Variants in EXD1 observed in about 807,000 individuals in gnomAD.
The protein encoded by EXD1 is exonuclease 3'-5' domain containing 1, also known as piRNA biogenesis protein EXD1.
In EXD1, 63 loss-of-function variants were observed where a neutral mutation model predicts 49.1. The observed-to-expected ratio is 1.28, with a 90% CI of 1.05 to 1.58. The LOEUF is 1.58. EXD1 is among the 40% of genes most tolerant of loss of function. The pLI, the probability that EXD1 is intolerant of heterozygous loss-of-function variation, is 0.00. For missense variants in EXD1, 748 were observed against 666.0 expected, an observed-to-expected ratio of 1.12 and a Z score of -1.36; for synonymous variants, 234 against 239.2, an observed-to-expected ratio of 0.98 and a Z score of 0.20.
Position 41,184,586 on chromosome 15 carries a change from C to A in EXD1, c.1064G>T (p.Cys355Phe), listed in dbSNP as rs2046376860. 2 of 1,580,164 alleles carry A rather than the reference C, an allele frequency of 1.3e-6. No individual in the cohort carries two copies. Among genetic ancestry groups the A allele is most frequent in the South Asian group, 1.2e-5 (1 of 85,048 alleles). Residue 355 changes from cysteine (C) to phenylalanine (F), a missense_variant, in exon 12 of 12, where the codon TGT becomes TTT. By Grantham distance (205) the Cys-to-Phe change is radical. Transcript: ENST00000458580. ...ADRLGGTEPT[C>F]MELPEELLQL... ...AAGCAGTTCCTCTGGCAGCTCCATA[C>A]ATGTAGGCTAAGAAGAGAAAGCGAA...
intron 11 of EXD1, among the ~76,000 whole-genome samples, chr15:41,187,489 C>A (rs1270995509): frequency 6.6e-6 from 1 of 152,150 alleles, no homozygotes; most frequent in Non-Finnish European, 1.5e-5. Flanking sequence ...CAATCCCCCA[C>A]AGATGCTGAG....
chr15:41,216,733 G>A lies in EXD1; in HGVS notation c.323C>T (p.Pro108Leu). 1.9e-6 allele frequency: 3 copies of A among 1,613,852 alleles called. No individual in the cohort carries two copies. In the South Asian group the frequency reaches 3.3e-5, roughly 18 times the overall value. Residue 108 changes from proline (P) to leucine (L), a missense_variant, in exon 5 of 12, where the codon CCT becomes CTT. By Grantham distance (98) the Pro-to-Leu change is moderately conservative. Coordinates refer to ENST00000458580, the MANE Select transcript of EXD1 (RefSeq NM_001286441.2). ...TGGTGCTTCAGGGGCAGGAGAAGCAGGCTCACATACATTTAGGTCTTCAAC... is the reference window on the plus strand; with the variant it reads ...TGGTGCTTCAGGGGCAGGAGAAGCAAGCTCACATACATTTAGGTCTTCAAC... ...MKVEDLNVCE[P>L]ASPAPEAPAT...
chr15:41,226,337 T>C, intron 2 of EXD1, 106 bp downstream of exon 2: 1 of 1,071,776 alleles, frequency 9.3e-7, no homozygotes, highest in South Asian at 1.5e-5. Flanking sequence ...TCCCACACTT[T>C]ACCTAAAATA....
At chr15:41,214,999 C>T (rs991294896) in intron 6 of EXD1, among the ~76,000 whole-genome samples, 3 of 152,146 alleles carry the variant, frequency 2.0e-5, no homozygotes, top group East Asian at 1.9e-4. Context: ...CCCGCCTCAG[C>T]CTCCCAAAGT....
intron 2 of EXD1, among the ~76,000 whole-genome samples, 176 bp from the exon 3 acceptor site, chr15:41,220,074 C>G (rs930274242): frequency 6.6e-6 from 1 of 150,754 alleles, no homozygotes; most frequent in African/African-American, 2.4e-5. Flanking sequence ...GACAAAGCTA[C>G]GACCTTTAAA....
chr15:41,226,673 G>T (rs991637259), intron 1 of EXD1, 45 bp from the exon 2 acceptor site: 49 of 1,412,140 alleles, frequency 3.5e-5, no homozygotes, highest in Non-Finnish European at 4.3e-5. Context: ...AAGATTTTTT[G>T]GGAGTAAAGT....
chr15:41,207,495 G>A (rs937559682), intron 7 of EXD1, among the ~76,000 whole-genome samples: 3 of 151,770 alleles, frequency 2.0e-5, no homozygotes, highest in Admixed American at 6.6e-5. Flanking sequence ...AGCCGAGATC[G>A]TGACACTACA....
Position 41,190,344 on chromosome 15 carries a change from G to A in EXD1, c.865-216C>T, listed in dbSNP as rs1317001282. The A allele has an allele frequency of 3.2e-5, 15 of 461,570 alleles. No individual in the cohort carries two copies. The Admixed American group carries it at 3.8e-4, about 12-fold the overall frequency. 28.6% of individuals were successfully genotyped at this position (461,570 alleles called of 1,614,324 possible). On this transcript the variant is annotated intron_variant, in intron 10 of 11. Coordinates refer to ENST00000458580, the MANE Select transcript of EXD1 (RefSeq NM_001286441.2). ...AAAAATTAGCTGGGCATGGTGGCAC[G>A]CGCCTGTAGTCCCAGCTACTCAAGA...
chr15:41,183,868 G>GGAAA lies in EXD1; in HGVS notation c.*59_*62dup. On this transcript the variant is annotated 3_prime_UTR_variant, in exon 12 of 12. Coordinates refer to ENST00000458580, the MANE Select transcript of EXD1 (RefSeq NM_001286441.2). ...ACAACATGAGAAACCTGGGCACTGT[G>GGAAA]GAAAGCCCTGATGGCAAAGGAAATA... 3.4e-6 allele frequency: 5 copies of GGAAA among 1,483,854 alleles called. No individual in the cohort carries two copies. Among genetic ancestry groups the GGAAA allele is most frequent in the Non-Finnish European group, 4.5e-6 (5 of 1,105,696 alleles). The allele number at this position is 1,483,854 out of a possible 1,614,324, so 91.9% of individuals were successfully genotyped here. A position where few individuals can be genotyped will look rare whatever the true frequency, so the allele number is the denominator to read the frequency against.
chr15:41,193,702 T>A (rs2046567345), intron 9 of EXD1, among the ~76,000 whole-genome samples: 1 of 151,710 alleles, frequency 6.6e-6, no homozygotes, highest in Non-Finnish European at 1.5e-5. Context: ...GCTATGATCA[T>A]GCCACTTCAC....
chr15:41,209,074 A>T (rs2046879800), intron 7 of EXD1, among the ~76,000 whole-genome samples: 1 of 152,164 alleles, frequency 6.6e-6, no homozygotes, highest in Non-Finnish European at 1.5e-5. Flanking sequence ...AAGGAAGAAC[A>T]TTCCAACAAG....
chr15:41,224,391 A>C (rs1465155611), intron 2 of EXD1, among the ~76,000 whole-genome samples: 1 of 152,184 alleles, frequency 6.6e-6, no homozygotes, highest in African/African-American at 2.4e-5. Context: ...AGCCCATAAA[A>C]GTCTGTTTTA....
intron 7 of EXD1, among the ~76,000 whole-genome samples, chr15:41,200,478 C>T (rs2046711743): frequency 6.6e-6 from 1 of 152,124 alleles, no homozygotes; most frequent in African/African-American, 2.4e-5. Context: ...AGCTGAGATA[C>T]TCGCCACTGC....
intron 7 of EXD1, among the ~76,000 whole-genome samples, chr15:41,199,478 G>T (rs953964547): frequency 1.3e-4 from 19 of 149,070 alleles, no homozygotes; most frequent in Non-Finnish European, 2.7e-4. Flanking sequence ...AGCTGAGCAG[G>T]TTCCTGGAGG....
chr15:41,219,593 CT>C (rs2047055277), intron 3 of EXD1: 1 of 363,550 alleles, frequency 2.8e-6, no homozygotes, highest in Non-Finnish European at 4.9e-6. Flanking sequence ...ACATTCCTAA[CT>C]GCCTGCTGGT....
intron 7 of EXD1, among the ~76,000 whole-genome samples, chr15:41,198,626 T>A (rs2046653685): frequency 6.6e-6 from 1 of 151,964 alleles, no homozygotes; most frequent in South Asian, 2.1e-4. Context: ...GAGCTCCAGG[T>A]TGCAGTGAGC....
chr15:41,226,935 A>G (rs983984848), intron 1 of EXD1, among the ~76,000 whole-genome samples: 1 of 152,216 alleles, frequency 6.6e-6, no homozygotes, highest in Non-Finnish European at 1.5e-5. Flanking sequence ...TGGCACATTT[A>G]TACATCATTA....
chr15:41,216,631 CAAA>C, intron 5 of EXD1, 34 bp downstream of exon 5: 3 of 1,137,702 alleles, frequency 2.6e-6, no homozygotes, highest in East Asian at 3.1e-5. Context: ...AACTCCATCT[CAAA>C]AAAAAAAAGA....
intron 11 of EXD1, among the ~76,000 whole-genome samples, chr15:41,188,013 C>T (rs691873): frequency 0.78 from 101,674 of 130,214 alleles, 38,187 homozygotes; most frequent in East Asian, 0.99. Flanking sequence ...GAAACCCCGT[C>T]TCAAAAAAAA....
Sources: allele counts gnomAD v4.1 joint callset (sites outside exome capture counted in the v4.1 genomes callset), GRCh38; gene constraint gnomAD v4.1.1; transcripts MANE v1.5; gene names NCBI Gene and HGNC (gene_info 2026-07-23, HGNC 2026-07-21).